TRPM3: variants seen among roughly 807,000 people sequenced by gnomAD.
TRPM3 encodes the protein transient receptor potential cation channel subfamily M member 3, also known as long transient receptor potential channel 3.
A neutral mutation model predicts 181.2 loss-of-function variants in TRPM3; 77 were observed. The ratio of observed to expected loss-of-function variants is 0.42; its 90% CI spans 0.35 to 0.51. The LOEUF (loss-of-function observed/expected upper bound fraction) is 0.51, where lower values mean the gene tolerates loss of function less well. TRPM3 is among the 20% of genes least tolerant of loss of function. The pLI, the probability that TRPM3 is intolerant of heterozygous loss-of-function variation, is 0.01. For synonymous variants in TRPM3, 745 were observed against 796.4 expected (o/e 0.94, Z 1.09); for missense variants, 1,759 against 2,196.7 (o/e 0.80, Z 3.98).
intron 1 of TRPM3, among the ~76,000 whole-genome samples, chr9:71,385,695 A>ATATTT (rs1169796669): frequency 6.6e-6 from 1 of 152,194 alleles, no homozygotes; most frequent in East Asian, 1.9e-4. Context: ...GAGTCTTGGA[A>ATATTT]TATTTTATTT....
chr9:71,277,196 C>T (rs751614206), intron 1 of TRPM3, among the ~76,000 whole-genome samples: 1 of 152,068 alleles, frequency 6.6e-6, no homozygotes, highest in Non-Finnish European at 1.5e-5. Context: ...AGGATAGCAG[C>T]CACCTCTGAA....
At chr9:70,610,869 G>T in intron 18 of TRPM3, 120 bp from the exon 19 acceptor site, 1 of 1,220,196 alleles carries the variant, frequency 8.2e-7, no homozygotes, top group Non-Finnish European at 1.1e-6. Flanking sequence ...AGGCCCCAGA[G>T]ATTTAGAGGT....
At chr9:71,381,397 C>T (rs1015598960) in intron 1 of TRPM3, among the ~76,000 whole-genome samples, 1 of 152,050 alleles carries the variant, frequency 6.6e-6, no homozygotes, top group South Asian at 2.1e-4. Context: ...ATAAGATTCC[C>T]TAAGTAGGGT....
At chr9:71,094,295 A>T (rs897744123) in intron 1 of TRPM3, among the ~76,000 whole-genome samples, 10 of 152,242 alleles carry the variant, frequency 6.6e-5, no homozygotes, top group African/African-American at 2.4e-4. Context: ...AAACTTAAAA[A>T]AATATTTGGT....
intron 8 of TRPM3, among the ~76,000 whole-genome samples, chr9:70,689,349 T>C (rs1290893370): frequency 6.6e-6 from 1 of 152,192 alleles, no homozygotes; most frequent in African/African-American, 2.4e-5. Context: ...ATTTATAACA[T>C]ATATAAGTAA....
At chr9:70,624,091 T>C (rs2064087040) in intron 14 of TRPM3, among the ~76,000 whole-genome samples, 2 of 152,298 alleles carry the variant, frequency 1.3e-5, no homozygotes, top group South Asian at 4.1e-4. Context: ...ACCTCCACCA[T>C]GACTTTGACA....
At chr9:70,796,984 G>T (rs1038963305) in intron 6 of TRPM3, among the ~76,000 whole-genome samples, 1 of 152,058 alleles carries the variant, frequency 6.6e-6, no homozygotes, top group Admixed American at 6.6e-5. Flanking sequence ...TTAAAAGTTA[G>T]CTGGGCATGG....
chr9:71,408,288 T>A (rs1450528360), intron 1 of TRPM3, among the ~76,000 whole-genome samples: 2 of 151,982 alleles, frequency 1.3e-5, no homozygotes, highest in Non-Finnish European at 2.9e-5. Flanking sequence ...CAGAAGAACG[T>A]TAATAACGAA....
At chr9:70,971,605 A>C (rs1407960367) in intron 1 of TRPM3, among the ~76,000 whole-genome samples, 4 of 152,052 alleles carry the variant, frequency 2.6e-5, no homozygotes, top group Admixed American at 1.3e-4. Flanking sequence ...ATTAGTAAAA[A>C]CTCAAGAAAG....
At chr9:71,188,815 A>T (rs1022898232) in intron 1 of TRPM3, among the ~76,000 whole-genome samples, 1 of 151,994 alleles carries the variant, frequency 6.6e-6, no homozygotes, top group Admixed American at 6.6e-5. Flanking sequence ...GTCCTTTAAA[A>T]GGAAGAAATA....
intron 1 of TRPM3, among the ~76,000 whole-genome samples, chr9:71,269,180 T>C (rs776727120): frequency 1.3e-5 from 2 of 152,198 alleles, no homozygotes; most frequent in Non-Finnish European, 2.9e-5. Flanking sequence ...GCTGGTACAT[T>C]ATACACAAGG....
intron 1 of TRPM3, among the ~76,000 whole-genome samples, chr9:71,323,637 G>A (rs2089436536): frequency 6.6e-6 from 1 of 152,076 alleles, no homozygotes; most frequent in Admixed American, 6.6e-5. Flanking sequence ...AGAGGCTATT[G>A]GCGGATGTCG....
At chr9:71,172,851 C>T (rs1004065723) in intron 1 of TRPM3, among the ~76,000 whole-genome samples, 13 of 152,154 alleles carry the variant, frequency 8.5e-5, no homozygotes, top group Admixed American at 2.6e-4. Context: ...GATGGTGTAA[C>T]GTATAGCAAG....
intron 1 of TRPM3, among the ~76,000 whole-genome samples, chr9:71,379,318 G>T (rs2092738181): frequency 6.6e-6 from 1 of 152,022 alleles, no homozygotes; most frequent in Non-Finnish European, 1.5e-5. Context: ...CAACTTTTCT[G>T]AAACAAGATA....
At chr9:71,438,095 T>G (rs1486415181) in intron 1 of TRPM3, among the ~76,000 whole-genome samples, 1 of 152,046 alleles carries the variant, frequency 6.6e-6, no homozygotes, top group Non-Finnish European at 1.5e-5. Context: ...CAGAGAAACA[T>G]CTGAGATGAC....
intron 6 of TRPM3, among the ~76,000 whole-genome samples, chr9:70,821,090 A>G (rs529897): frequency 0.73 from 111,292 of 152,056 alleles, 41,085 homozygotes; most frequent in Middle Eastern, 0.9. Flanking sequence ...ATTTCAGCAT[A>G]CAATAGTGTA....
chr9:71,315,253 G>C (rs943090465), intron 1 of TRPM3, among the ~76,000 whole-genome samples: 1 of 151,958 alleles, frequency 6.6e-6, no homozygotes, highest in African/African-American at 2.4e-5. Context: ...CAGGGGGTGG[G>C]GTAAAAGAAT....
At chr9:70,892,774 G>C (rs2096229177) in intron 1 of TRPM3, among the ~76,000 whole-genome samples, 1 of 152,126 alleles carries the variant, frequency 6.6e-6, no homozygotes. Flanking sequence ...AATGTATGTG[G>C]TTAAAATGTA....
intron 1 of TRPM3, among the ~76,000 whole-genome samples, chr9:71,101,024 T>TA (rs974771545): frequency 6.6e-6 from 1 of 152,092 alleles, no homozygotes. Context: ...CTCATGTATC[T>TA]AAAACCTAAA....
Sources: gnomAD v4.1 joint callset for allele counts (sites outside exome capture counted in the v4.1 genomes callset) on GRCh38, gnomAD v4.1.1 for gene constraint, MANE v1.5 for transcripts, NCBI Gene and HGNC (gene_info 2026-07-23, HGNC 2026-07-21) for gene names.